The following NEDD4L variants were observed in gnomAD, a reference collection of about 807,000 sequenced individuals.
NEDD4L encodes the protein NEDD4 like E3 ubiquitin protein ligase.
NEDD4L carries 54 observed loss-of-function variants against 148.9 expected under a neutral mutation model. The observed-to-expected ratio is 0.36, with a 90% CI of 0.29 to 0.45. NEDD4L has a LOEUF of 0.45. NEDD4L is among the 20% of genes least tolerant of loss of function. The pLI is 1.00. For synonymous variants in NEDD4L, 433 were observed against 440.7 expected (o/e 0.98, Z 0.22); for missense variants, 856 against 1,233.8 (o/e 0.69, Z 4.59).
At chr18:58,159,752 T>C (rs1040698390) in intron 1 of NEDD4L, among the ~76,000 whole-genome samples, 7 of 152,154 alleles carry the variant, frequency 4.6e-5, no homozygotes, top group Admixed American at 3.3e-4. Context: ...CCAAAAAACG[T>C]TGGTCATCTG....
intron 2 of NEDD4L, among the ~76,000 whole-genome samples, chr18:58,194,515 G>A (rs1415649678): frequency 6.6e-6 from 1 of 152,156 alleles, no homozygotes; most frequent in Non-Finnish European, 1.5e-5. Flanking sequence ...CTCTTAAAAG[G>A]GGCCTGTTCT....
chr18:58,195,451 G>A (rs770132449), intron 2 of NEDD4L: 2 of 1,323,364 alleles, frequency 1.5e-6, no homozygotes, highest in East Asian at 9.4e-5. Context: ...ATCCGCGGCA[G>A]CAGCTTCCAA....
At chr18:58,332,088 C>G (rs961950088) in intron 11 of NEDD4L, among the ~76,000 whole-genome samples, 1 of 152,102 alleles carries the variant, frequency 6.6e-6, no homozygotes, top group East Asian at 1.9e-4. Context: ...TATTTAAAAC[C>G]TATAAAAGCA....
At chr18:58,123,298 C>T (rs368071608) in intron 1 of NEDD4L, among the ~76,000 whole-genome samples, 51 of 152,270 alleles carry the variant, frequency 3.3e-4, no homozygotes, top group African/African-American at 1.2e-3. Context: ...TTTTAGATCT[C>T]GTCCAGGTTA....
chr18:58,105,768 T>G (rs1334856553), intron 1 of NEDD4L, among the ~76,000 whole-genome samples: 2 of 152,216 alleles, frequency 1.3e-5, no homozygotes, highest in Non-Finnish European at 2.9e-5. Flanking sequence ...TTAGTTTTAC[T>G]CCAGATTTTC....
chr18:58,085,793 A>G (rs967753602), intron 1 of NEDD4L, among the ~76,000 whole-genome samples: 1 of 152,236 alleles, frequency 6.6e-6, no homozygotes, highest in Non-Finnish European at 1.5e-5. Flanking sequence ...CTCTATTAAA[A>G]GGAGAATCTT....
At chr18:58,132,712 T>C (rs1195968096) in intron 1 of NEDD4L, among the ~76,000 whole-genome samples, 1 of 152,244 alleles carries the variant, frequency 6.6e-6, no homozygotes, top group African/African-American at 2.4e-5. Context: ...TTAGTGGGCC[T>C]TGGACCTGCT....
chr18:58,067,515 G>A (rs967241387), intron 1 of NEDD4L, among the ~76,000 whole-genome samples: 3 of 152,176 alleles, frequency 2.0e-5, no homozygotes, highest in African/African-American at 7.2e-5. Flanking sequence ...CTGCTCTGAG[G>A]AGGTGGTGTG....
At chr18:58,286,066 C>T (rs1266262629) in intron 5 of NEDD4L, among the ~76,000 whole-genome samples, 1 of 152,200 alleles carries the variant, frequency 6.6e-6, no homozygotes, top group African/African-American at 2.4e-5. Flanking sequence ...GATGCACGTT[C>T]TTACCCAGTG....
Position 58,161,401 on chromosome 18 carries a change from G to A in NEDD4L, c.49-4387G>A, listed in dbSNP as rs186819585. 3.4e-3 allele frequency among the ~76,000 whole-genome samples: 507 copies of A among 147,620 alleles called. 15 individuals carry two copies. Among genetic ancestry groups the A allele is most frequent in the Admixed American group, 0.03 (448 of 14,956 alleles). ...ACGGTGAAGTTAAAATTTTTCTTTTGCTTTCCTTAATATTTCCGTGTTTTT... is the reference window on the plus strand; with the variant it reads ...ACGGTGAAGTTAAAATTTTTCTTTTACTTTCCTTAATATTTCCGTGTTTTT... On this transcript the variant is annotated intron_variant, in intron 1 of 30. Coordinates refer to ENST00000400345, the MANE Select transcript of NEDD4L (RefSeq NM_001144967.3).
intron 5 of NEDD4L, among the ~76,000 whole-genome samples, chr18:58,275,557 A>G (rs1400910844): frequency 6.6e-6 from 1 of 152,238 alleles, no homozygotes; most frequent in Non-Finnish European, 1.5e-5. Flanking sequence ...ATGTCCTGAA[A>G]GATGAGAATG....
intron 5 of NEDD4L, among the ~76,000 whole-genome samples, chr18:58,257,407 A>G (rs2048743412): frequency 6.6e-6 from 1 of 152,042 alleles, no homozygotes; most frequent in African/African-American, 2.4e-5. Flanking sequence ...TGACATTACT[A>G]TCCCACAAGT....
intron 1 of NEDD4L, among the ~76,000 whole-genome samples, chr18:58,048,946 A>AT (rs1371282929): frequency 4.6e-5 from 7 of 152,166 alleles, no homozygotes; most frequent in African/African-American, 1.7e-4. Context: ...TGGATGCCAT[A>AT]TTTCTTTCAC....
chr18:58,165,688 A>G (rs1163519071), intron 1 of NEDD4L, 100 bp from the exon 2 acceptor site: 23 of 1,516,660 alleles, frequency 1.5e-5, no homozygotes, highest in Non-Finnish European at 1.9e-5. Flanking sequence ...CTGTATCCCA[A>G]TACTGGACTG....
chr18:58,169,240 T>C (rs522864), intron 2 of NEDD4L, among the ~76,000 whole-genome samples: 115,682 of 152,234 alleles, frequency 0.76, 44,516 homozygotes, highest in African/African-American at 0.89. Flanking sequence ...GAGCTTTGTT[T>C]GGAGCAGATT....
intron 2 of NEDD4L, chr18:58,195,750 G>T (rs1319556080): frequency 1.5e-6 from 2 of 1,335,852 alleles, no homozygotes; most frequent in Admixed American, 1.9e-5. Context: ...GCCACCGAAG[G>T]TTCCGTTCCC....
At chr18:58,391,688 A>G (rs1426954120) in intron 30 of NEDD4L, 129 bp downstream of exon 30, 16 of 669,774 alleles carry the variant, frequency 2.4e-5, no homozygotes, top group Non-Finnish European at 4.2e-5. Flanking sequence ...AAGGACAGTG[A>G]TGTGGATGAA....
chr18:58,079,815 G>A (rs1385068393), intron 1 of NEDD4L, among the ~76,000 whole-genome samples: 1 of 152,208 alleles, frequency 6.6e-6, no homozygotes, highest in Non-Finnish European at 1.5e-5. Flanking sequence ...TACGGAATGT[G>A]TCATTGGAGA....
At chr18:58,143,480 C>T (rs2033773109) in intron 1 of NEDD4L, among the ~76,000 whole-genome samples, 1 of 152,190 alleles carries the variant, frequency 6.6e-6, no homozygotes, top group South Asian at 2.1e-4. Flanking sequence ...GCCGAAATGC[C>T]CGCAGGCTCT....
Sources: gnomAD v4.1 joint callset for allele counts (sites outside exome capture counted in the v4.1 genomes callset) on GRCh38, gnomAD v4.1.1 for gene constraint, MANE v1.5 for transcripts, NCBI Gene and HGNC (gene_info 2026-07-23, HGNC 2026-07-21) for gene names.